DLG2: variants seen among roughly 807,000 people sequenced by gnomAD.
DLG2 encodes disks large homolog 2.
A neutral mutation model predicts 132.5 loss-of-function variants in DLG2; 45 were observed. The observed-to-expected ratio is 0.34, with a 90% CI of 0.27 to 0.44. DLG2 has a LOEUF of 0.44. DLG2 is among the 20% of genes least tolerant of loss of function. The pLI is 1.00. For missense variants in DLG2, 1,045 were observed against 1,196.9 expected (o/e 0.87, Z 1.87); for synonymous variants, 424 against 419.6 (o/e 1.01, Z -0.13).
intron 6 of DLG2, among the ~76,000 whole-genome samples, chr11:84,801,786 T>C (rs1368730281): frequency 2.0e-5 from 3 of 152,214 alleles, no homozygotes; most frequent in African/African-American, 7.2e-5. Flanking sequence ...ATTATAATGA[T>C]TACAGATCCA....
intron 14 of DLG2, among the ~76,000 whole-genome samples, chr11:83,955,435 C>T (rs1042607671): frequency 1.1e-4 from 17 of 152,288 alleles, no homozygotes; most frequent in Non-Finnish European, 1.8e-4. Context: ...GGCAGCCAAA[C>T]GCCTAGGCAG....
chr11:84,700,538 T>C (rs1271558022), intron 6 of DLG2, among the ~76,000 whole-genome samples: 1 of 151,696 alleles, frequency 6.6e-6, no homozygotes, highest in Non-Finnish European at 1.5e-5. Flanking sequence ...TCAGATCTTA[T>C]TCAAACATAA....
chr11:84,846,496 T>C (rs1241345428), intron 6 of DLG2, among the ~76,000 whole-genome samples: 2 of 152,144 alleles, frequency 1.3e-5, no homozygotes, highest in East Asian at 1.9e-4. Flanking sequence ...TCTATCTCCA[T>C]TGTTTCTGCT....
At chr11:85,506,956 C>T (rs916452244) in intron 3 of DLG2, among the ~76,000 whole-genome samples, 3 of 152,180 alleles carry the variant, frequency 2.0e-5, no homozygotes, top group African/African-American at 7.2e-5. Context: ...GAATTGATCC[C>T]TTTACCATTA....
At chr11:84,248,060 G>C (rs1365608874) in intron 8 of DLG2, among the ~76,000 whole-genome samples, 2 of 152,048 alleles carry the variant, frequency 1.3e-5, no homozygotes, top group African/African-American at 4.8e-5. Context: ...GAAGAAAAGA[G>C]GAAAACAAAG....
intron 11 of DLG2, among the ~76,000 whole-genome samples, chr11:84,015,551 A>G (rs1428507596): frequency 6.6e-6 from 1 of 151,914 alleles, no homozygotes; most frequent in Non-Finnish European, 1.5e-5. Flanking sequence ...CCACTCTCCA[A>G]CAGGCCCCAG....
intron 3 of DLG2, among the ~76,000 whole-genome samples, chr11:85,484,306 C>G (rs1597797200): frequency 7.2e-6 from 1 of 138,282 alleles, no homozygotes. Context: ...GACTTCATGT[C>G]TAAAACACCA....
intron 9 of DLG2, among the ~76,000 whole-genome samples, chr11:84,134,350 G>A (rs926386410): frequency 6.6e-5 from 10 of 151,998 alleles, no homozygotes; most frequent in Non-Finnish European, 1.5e-5. Flanking sequence ...TATTTTCTTA[G>A]GCTCACACAA....
chr11:84,770,664 G>T (rs1196911650), intron 6 of DLG2, among the ~76,000 whole-genome samples: 1 of 143,148 alleles, frequency 7.0e-6, no homozygotes, highest in Admixed American at 7.3e-5. Context: ...TTTTTGAGAC[G>T]GAGTCTTGCT....
intron 18 of DLG2, among the ~76,000 whole-genome samples, chr11:83,740,958 T>C (rs552561096): frequency 6.6e-6 from 1 of 152,242 alleles, no homozygotes; most frequent in African/African-American, 2.4e-5. Flanking sequence ...TAATTTACCG[T>C]GATCAAGTAG....
chr11:84,554,051 T>C (rs561017445), intron 6 of DLG2, among the ~76,000 whole-genome samples: 3 of 152,228 alleles, frequency 2.0e-5, no homozygotes, highest in African/African-American at 4.8e-5. Flanking sequence ...CAATTCTAAA[T>C]TGAATTCAAT....
chr11:84,670,987 G>A (rs1489912666), intron 6 of DLG2, among the ~76,000 whole-genome samples: 1 of 152,110 alleles, frequency 6.6e-6, no homozygotes, highest in Non-Finnish European at 1.5e-5. Flanking sequence ...TCTTGCAGCA[G>A]CAAGTATTTA....
At chr11:84,081,898 T>A (rs2096909815) in intron 10 of DLG2, among the ~76,000 whole-genome samples, 1 of 152,314 alleles carries the variant, frequency 6.6e-6, no homozygotes, top group Middle Eastern at 3.4e-3. Flanking sequence ...CACCACATTG[T>A]CTTCCACAAT....
chr11:85,093,349 A>T (rs2069144543), intron 6 of DLG2, among the ~76,000 whole-genome samples: 1 of 152,026 alleles, frequency 6.6e-6, no homozygotes, highest in African/African-American at 2.4e-5. Context: ...TCACTTCTAT[A>T]ATCTTCAAAA....
At chr11:85,085,592 T>A (rs2067816993) in intron 6 of DLG2, among the ~76,000 whole-genome samples, 1 of 152,106 alleles carries the variant, frequency 6.6e-6, no homozygotes, top group African/African-American at 2.4e-5. Flanking sequence ...ATTTTAAAAG[T>A]AGGAATGAGA....
chr11:84,505,251 AT>A (rs1348114520), intron 7 of DLG2, among the ~76,000 whole-genome samples: 1 of 152,158 alleles, frequency 6.6e-6, no homozygotes, highest in Non-Finnish European at 1.5e-5. Flanking sequence ...AATAAGTGAA[AT>A]GTAAATTTTA....
intron 6 of DLG2, among the ~76,000 whole-genome samples, chr11:85,108,728 A>C (rs1171028499): frequency 6.6e-6 from 1 of 151,992 alleles, no homozygotes; most frequent in African/African-American, 2.4e-5. Flanking sequence ...TCTAGGGGAG[A>C]CTCAGTAAAC....
intron 8 of DLG2, among the ~76,000 whole-genome samples, chr11:84,201,245 A>C (rs1385591941): frequency 1.3e-5 from 2 of 152,204 alleles, no homozygotes; most frequent in East Asian, 3.9e-4. Context: ...GATGAATCAC[A>C]TTTATTGGTT....
At chr11:84,374,096 T>G (rs1278388688) in intron 7 of DLG2, among the ~76,000 whole-genome samples, 3 of 152,136 alleles carry the variant, frequency 2.0e-5, no homozygotes, top group Non-Finnish European at 2.9e-5. Context: ...CCAAATAGCT[T>G]GCTTGATATG....
Sources: allele counts gnomAD v4.1 joint callset (sites outside exome capture counted in the v4.1 genomes callset), GRCh38; gene constraint gnomAD v4.1.1; transcripts MANE v1.5; gene names NCBI Gene and HGNC (gene_info 2026-07-23, HGNC 2026-07-21).